The following ATP8A2 variants were observed in gnomAD, a reference collection of about 807,000 sequenced individuals.
ATP8A2 encodes phospholipid-transporting ATPase IB.
A neutral mutation model predicts 165.6 loss-of-function variants in ATP8A2; 100 were observed. That is an observed-to-expected ratio of 0.60 (90% CI 0.51 to 0.71). The LOEUF (loss-of-function observed/expected upper bound fraction) is 0.71, where lower values mean the gene tolerates loss of function less well. Ranked by LOEUF, ATP8A2 falls within the 30% of genes least tolerant of loss-of-function variation. The pLI, the probability that ATP8A2 is intolerant of heterozygous loss-of-function variation, is 0.00. For missense variants in ATP8A2, 1,227 were observed against 1,479.5 expected, an observed-to-expected ratio of 0.83 and a Z score of 2.80; for synonymous variants, 543 against 548.8, an observed-to-expected ratio of 0.99 and a Z score of 0.15.
intron 31 of ATP8A2, 89 bp from the exon 32 acceptor site, chr13:25,860,715 T>C (rs1276321313): frequency 9.7e-7 from 1 of 1,033,122 alleles, no homozygotes; most frequent in South Asian, 1.4e-5. Context: ...GGGAAGCTAG[T>C]TCTGGAGTGG....
intron 36 of ATP8A2, 64 bp downstream of exon 36, chr13:26,012,686 G>C: frequency 2.1e-6 from 2 of 969,614 alleles, no homozygotes; most frequent in Non-Finnish European, 2.7e-6. Context: ...GGTTGATGAG[G>C]AGTTGGGGGA....
chr13:25,617,998 T>C (rs2040870545), intron 24 of ATP8A2, among the ~76,000 whole-genome samples: 1 of 152,146 alleles, frequency 6.6e-6, no homozygotes, highest in African/African-American at 2.4e-5. Context: ...AGTGTAAAAT[T>C]GTATTTAGGA....
chr13:26,012,485 C>A, intron 35 of ATP8A2, 46 bp from the exon 36 acceptor site: 1 of 1,460,906 alleles, frequency 6.8e-7, no homozygotes, highest in African/African-American at 1.4e-5. Context: ...TTGTGCAACC[C>A]GAGTGTTCAG....
intron 35 of ATP8A2, among the ~76,000 whole-genome samples, chr13:25,977,305 G>A (rs1454347182): frequency 6.6e-6 from 1 of 152,152 alleles, no homozygotes; most frequent in East Asian, 1.9e-4. Flanking sequence ...AGAGTTCTTA[G>A]GAGAACAGCT....
At chr13:25,861,256 T>C (rs1034334861) in intron 32 of ATP8A2, among the ~76,000 whole-genome samples, 6 of 152,182 alleles carry the variant, frequency 3.9e-5, no homozygotes, top group African/African-American at 1.4e-4. Flanking sequence ...TATGTCTGCA[T>C]GTGTGTGTAT....
chr13:25,970,061 G>A (rs1231492641), intron 35 of ATP8A2, among the ~76,000 whole-genome samples: 1 of 152,184 alleles, frequency 6.6e-6, no homozygotes. Context: ...ATTAATAAAT[G>A]TTTAAAACCC....
At chr13:25,414,035 C>T (rs2034058027) in intron 1 of ATP8A2, among the ~76,000 whole-genome samples, 1 of 151,918 alleles carries the variant, frequency 6.6e-6, no homozygotes, top group South Asian at 2.1e-4. Context: ...AGAGTAGAAC[C>T]ATGGAGGAAC....
chr13:25,384,794 C>T (rs1407862037), intron 1 of ATP8A2, among the ~76,000 whole-genome samples: 1 of 152,098 alleles, frequency 6.6e-6, no homozygotes, highest in African/African-American at 2.4e-5. Context: ...TGTTTGCCTC[C>T]TCTTTTTCTT....
At chr13:25,669,762 A>G (rs1049260459) in intron 24 of ATP8A2, among the ~76,000 whole-genome samples, 1 of 151,710 alleles carries the variant, frequency 6.6e-6, no homozygotes, top group African/African-American at 2.4e-5. Context: ...TTCCCCATCC[A>G]TTGTCCGAGG....
At chr13:25,506,961 A>ATATATC (rs569215571) in intron 2 of ATP8A2, among the ~76,000 whole-genome samples, 6 of 145,276 alleles carry the variant, frequency 4.1e-5, no homozygotes, top group Non-Finnish European at 7.5e-5. Context: ...ATATATATAT[A>ATATATC]TCTTATTTTA....
Position 25,533,270 on chromosome 13 carries a change from C to T in ATP8A2, c.467-3C>T. The T allele has an allele frequency of 2.7e-6, 4 of 1,469,908 alleles. No individual in the cohort carries two copies. Among genetic ancestry groups the T allele is most frequent in the South Asian group, 1.2e-5 (1 of 85,072 alleles). 91.1% of individuals were successfully genotyped at this position (1,469,908 alleles called of 1,614,324 possible). A position where few individuals can be genotyped will look rare whatever the true frequency, so the allele number is the denominator to read the frequency against. On this transcript the variant is annotated splice_region_variant and splice_polypyrimidine_tract_variant and intron_variant, in intron 5 of 36. Coordinates refer to ENST00000381655, the MANE Select transcript of ATP8A2 (RefSeq NM_016529.6). ...ACCAATATTTTATTTTTCTCTTTTT[C>T]AGTGTTAAGAAATGGTATGTGGCAT...
chr13:25,877,443 A>G (rs1952846623), intron 33 of ATP8A2, among the ~76,000 whole-genome samples: 1 of 152,118 alleles, frequency 6.6e-6, no homozygotes, highest in Non-Finnish European at 1.5e-5. Flanking sequence ...TTGAAGCTGT[A>G]TTTTTTGTGA....
chr13:25,904,479 C>G (rs374639120), intron 33 of ATP8A2, among the ~76,000 whole-genome samples: 1 of 152,196 alleles, frequency 6.6e-6, no homozygotes, highest in African/African-American at 2.4e-5. Flanking sequence ...CTTTTGGCCT[C>G]GTGTCCTGCC....
chr13:25,437,615 G>T (rs1211266817), intron 1 of ATP8A2, among the ~76,000 whole-genome samples: 1 of 152,130 alleles, frequency 6.6e-6, no homozygotes, highest in African/African-American at 2.4e-5. Flanking sequence ...GCTTTTCCGT[G>T]TATTGCTGGA....
intron 1 of ATP8A2, among the ~76,000 whole-genome samples, chr13:25,435,364 C>T (rs1220323347): frequency 1.3e-5 from 2 of 152,084 alleles, no homozygotes; most frequent in Admixed American, 6.6e-5. Flanking sequence ...CGTGATCCAC[C>T]TGCCTCGGCC....
chr13:25,469,250 C>A, intron 2 of ATP8A2, 129 bp downstream of exon 2: 1 of 1,180,500 alleles, frequency 8.5e-7, no homozygotes, highest in Non-Finnish European at 1.2e-6. Context: ...CCTTCCCCTG[C>A]CCCCTCCCCA....
chr13:25,687,527 C>T (rs1169559882), intron 24 of ATP8A2, among the ~76,000 whole-genome samples: 4 of 152,082 alleles, frequency 2.6e-5, no homozygotes, highest in African/African-American at 9.7e-5. Flanking sequence ...CCACTGCCAT[C>T]GAGGGGAGCA....
At chr13:25,557,410 T>C (rs2039012796) in intron 13 of ATP8A2, among the ~76,000 whole-genome samples, 1 of 152,188 alleles carries the variant, frequency 6.6e-6, no homozygotes. Flanking sequence ...TGTCATTTCC[T>C]TTATCTGTTG....
At chr13:25,590,798 A>G (rs1280318208) in intron 24 of ATP8A2, among the ~76,000 whole-genome samples, 1 of 152,174 alleles carries the variant, frequency 6.6e-6, no homozygotes, top group Non-Finnish European at 1.5e-5. Context: ...TGAGAGGGCC[A>G]TAACTCCTAT....
Sources: allele counts gnomAD v4.1 joint callset (sites outside exome capture counted in the v4.1 genomes callset), GRCh38; gene constraint gnomAD v4.1.1; transcripts MANE v1.5; gene names NCBI Gene and HGNC (gene_info 2026-07-23, HGNC 2026-07-21).